The following GSTA1 variants were observed in gnomAD, a reference collection of about 807,000 sequenced individuals.
GSTA1 encodes glutathione S-transferase alpha 1, also known as glutathione S-transferase A1.
Under a neutral mutation model 21.5 loss-of-function variants are expected in GSTA1, and 23 were observed. The observed-to-expected ratio is 1.07, with a 90% CI of 0.77 to 1.52. The LOEUF (loss-of-function observed/expected upper bound fraction) is 1.52. Ranked by LOEUF, GSTA1 falls within the 40% of genes most tolerant of loss-of-function variation. The probability of loss-of-function intolerance (pLI) is 0.00; values close to 1 mark genes in which losing one functional copy is unlikely to be tolerated. For missense variants in GSTA1, 301 were observed against 264.2 expected (o/e 1.14, Z -0.96); for synonymous variants, 125 against 90.0 (o/e 1.39, Z -2.20).
chr6:52,803,605 T>C (rs1286628135), intron 1 of GSTA1, among the ~76,000 whole-genome samples, 180 bp downstream of exon 1: 1 of 152,200 alleles, frequency 6.6e-6, no homozygotes, highest in African/African-American at 2.4e-5. Context: ...TCTGTAAAGA[T>C]GTATCCAACA....
chr6:52,792,737 C>G (rs1249090793), intron 6 of GSTA1, 119 bp downstream of exon 6: 2 of 1,608,394 alleles, frequency 1.2e-6, no homozygotes, highest in African/African-American at 2.7e-5. Flanking sequence ...TTTTGGAGAC[C>G]TTGGGGCACT....
intron 1 of GSTA1, among the ~76,000 whole-genome samples, chr6:52,801,558 G>C (rs1763717933): frequency 6.6e-6 from 1 of 152,106 alleles, no homozygotes; most frequent in Non-Finnish European, 1.5e-5. Flanking sequence ...GTTTCAAAAG[G>C]AAGTGAAATT....
rs772037830 is a variant in GSTA1 at position 52,796,322 on chromosome 6, A to G, written c.140-8T>C. The G allele has an allele frequency of 5.0e-6, 8 of 1,613,732 alleles. No homozygotes were observed. The South Asian group carries it at 8.8e-5, about 18-fold the overall frequency. Reference sequence around the variant, plus strand: ...GGAACATCAAATATCCATCTTTAGAAGGAAGAAAAAAAAGGAGAGTGAAGT... The same window carrying G: ...GGAACATCAAATATCCATCTTTAGAGGGAAGAAAAAAAAGGAGAGTGAAGT... On this transcript the variant is annotated splice_polypyrimidine_tract_variant and splice_region_variant and intron_variant, in intron 3 of 6. Coordinates refer to ENST00000334575, the MANE Select transcript of GSTA1 (RefSeq NM_145740.5).
intron 3 of GSTA1, among the ~76,000 whole-genome samples, chr6:52,796,679 A>T (rs1238615352): frequency 6.7e-6 from 1 of 149,076 alleles, no homozygotes; most frequent in African/African-American, 2.5e-5. Flanking sequence ...AATAGCTGGG[A>T]TTACAGCCAT....
chr6:52,801,372 G>T (rs1763713246), intron 1 of GSTA1, among the ~76,000 whole-genome samples: 2 of 152,174 alleles, frequency 1.3e-5, no homozygotes, highest in South Asian at 4.1e-4. Context: ...GATAACTCCA[G>T]GAGCAATTTA....
intron 1 of GSTA1, among the ~76,000 whole-genome samples, chr6:52,802,991 G>A (rs947926128): frequency 6.6e-6 from 1 of 152,128 alleles, no homozygotes; most frequent in Admixed American, 6.5e-5. Flanking sequence ...AGCCCCATGA[G>A]GTCATGTAGT....
intron 6 of GSTA1, 143 bp downstream of exon 6, chr6:52,792,713 A>AGCC: frequency 1.3e-6 from 2 of 1,590,888 alleles, no homozygotes; most frequent in Non-Finnish European, 1.7e-6. Flanking sequence ...TCAAAATTGG[A>AGCC]GCCTGGAAGC....
rs147931601 is a variant in GSTA1, at chr6:52,792,938, C to G, written c.464G>C (p.Arg155Pro). The change falls in exon 6 of 7, where the codon CGG becomes CCG. Residue 155 changes from arginine (R) to proline (P), a missense_variant. By Grantham distance (103) the Arg-to-Pro change is moderately radical. Transcript: ENST00000334575. ...AAGTTCCACCAGATGAATGTCAGCC[C>G]GGCTCAGCTTGTTGCCAACAAGGTA... ...QDYLVGNKLSRADIHLVELLY... is the reference protein window; with the variant it reads ...QDYLVGNKLSPADIHLVELLY... The G allele has an allele frequency of 1.9e-6, 3 of 1,614,102 alleles. No individual in the cohort carries two copies. Among genetic ancestry groups the G allele is most frequent in the Admixed American group, 3.3e-5 (2 of 60,022 alleles).
intron 6 of GSTA1, among the ~76,000 whole-genome samples, 167 bp from the exon 7 acceptor site, chr6:52,792,147 G>A (rs1466468282): frequency 6.6e-6 from 1 of 152,184 alleles, no homozygotes; most frequent in Non-Finnish European, 1.5e-5. Flanking sequence ...ATAAGGGGAA[G>A]GACATGTAGC....
At chr6:52,794,333 C>T in intron 4 of GSTA1, 67 bp from the exon 5 acceptor site, 2 of 1,511,220 alleles carry the variant, frequency 1.3e-6, no homozygotes, top group South Asian at 1.3e-5. Flanking sequence ...TTATAAAAAC[C>T]TAAGGGAGTA....
rs146445663 is a variant in GSTA1 at position 52,797,660 on chromosome 6, C to T, written c.88-23G>A. 1,974 of 1,588,056 alleles carry T rather than the reference C, an allele frequency of 1.2e-3. 25 individuals are homozygous for T. The African/African-American group carries it at 0.013, about 10-fold the overall frequency. ...AAACTGGAAGCAGAAACAGTAAATACGTTCTTGTTAGTTCATTCTATTATA... is the reference window on the plus strand; with the variant it reads ...AAACTGGAAGCAGAAACAGTAAATATGTTCTTGTTAGTTCATTCTATTATA... On this transcript the variant is annotated intron_variant, in intron 2 of 6. Coordinates refer to ENST00000334575, the MANE Select transcript of GSTA1 (RefSeq NM_145740.5).
chr6:52,796,543 A>ATATATTTTTTTTTT (rs1300549721), intron 3 of GSTA1, among the ~76,000 whole-genome samples: 2 of 23,770 alleles, frequency 8.4e-5, no homozygotes, highest in Non-Finnish European at 2.1e-4. Context: ...ATATATATAT[A>ATATATTTTTTTTTT]TTTTTTTTTT....
intron 4 of GSTA1, among the ~76,000 whole-genome samples, chr6:52,794,609 A>C (rs1279243666): frequency 6.6e-6 from 1 of 152,192 alleles, no homozygotes; most frequent in African/African-American, 2.4e-5. Context: ...TGTTCTGTGC[A>C]TGAACTTAGT....
intron 1 of GSTA1, among the ~76,000 whole-genome samples, chr6:52,800,713 A>C (rs1322496381): frequency 6.6e-6 from 1 of 152,174 alleles, no homozygotes; most frequent in Non-Finnish European, 1.5e-5. Flanking sequence ...ATGGAAGGGC[A>C]CAGGACTCAT....
chr6:52,794,992 G>A (rs532305630), intron 4 of GSTA1, among the ~76,000 whole-genome samples: 1 of 152,228 alleles, frequency 6.6e-6, no homozygotes, highest in Admixed American at 6.5e-5. Context: ...ATTGCCACCA[G>A]GTATATTATA....
chr6:52,792,807 C>G, intron 6 of GSTA1, 49 bp downstream of exon 6: 1 of 1,612,940 alleles, frequency 6.2e-7, no homozygotes, highest in Non-Finnish European at 8.5e-7. Context: ...ATACAAGATC[C>G]CAAGATGGGA....
In GSTA1 at chr6:52,794,274, A is replaced by G. The variant is rs200438292; in HGVS notation, c.273-8T>C. 5.2e-4 allele frequency: 834 copies of G among 1,606,890 alleles called. 3 individuals are homozygous for G. Among genetic ancestry groups the G allele is most frequent in the Middle Eastern group, 3.0e-3 (18 of 6,034 alleles). On this transcript the variant is annotated splice_polypyrimidine_tract_variant and splice_region_variant and intron_variant, in intron 4 of 6. Coordinates refer to ENST00000334575, the MANE Select transcript of GSTA1 (RefSeq NM_145740.5). ...TCTATATACATATCAATCCTGAAAG[A>G]CAGAAACAACCAAATGGTCAAATAC...
intron 5 of GSTA1, among the ~76,000 whole-genome samples, chr6:52,793,376 C>T (rs540490489): frequency 6.6e-6 from 1 of 152,234 alleles, no homozygotes; most frequent in African/African-American, 2.4e-5. Context: ...CTCCAATCTC[C>T]CTTGGGCAGT....
chr6:52,791,730 T>A lies in GSTA1; in HGVS notation c.*128A>T. 1 of 1,059,504 alleles carries A rather than the reference T, an allele frequency of 9.4e-7. No individual in the cohort carries two copies. Among genetic ancestry groups the A allele is most frequent in the South Asian group, 1.6e-5 (1 of 63,792 alleles). The allele number at this position is 1,059,504 out of a possible 1,614,324, so 65.6% of individuals were successfully genotyped here. On this transcript the variant is annotated 3_prime_UTR_variant, in exon 7 of 7. Coordinates refer to ENST00000334575, the MANE Select transcript of GSTA1 (RefSeq NM_145740.5). ...AGCGAATAGGAGTTGTATTATTTAA[T>A]TAGCATATAATTTGAAAGAGTTCAT... is the stretch of plus-strand genomic sequence containing the variant.
Sources: allele counts gnomAD v4.1 joint callset (sites outside exome capture counted in the v4.1 genomes callset), GRCh38; gene constraint gnomAD v4.1.1; transcripts MANE v1.5; gene names NCBI Gene and HGNC (gene_info 2026-07-23, HGNC 2026-07-21).